The following PRKG1 variants were observed in gnomAD, a reference collection of about 807,000 sequenced individuals.
PRKG1 encodes protein kinase cGMP-dependent 1.
Under a neutral mutation model 88.1 loss-of-function variants are expected in PRKG1, and 35 were observed. The ratio of observed to expected loss-of-function variants is 0.40; its 90% CI spans 0.30 to 0.53. PRKG1 has a LOEUF of 0.53. Ranked by LOEUF, PRKG1 falls within the 20% of genes least tolerant of loss-of-function variation. The pLI is 0.59. For missense variants in PRKG1, 540 were observed against 839.8 expected (o/e 0.64, Z 4.41); for synonymous variants, 303 against 292.5 (o/e 1.04, Z -0.37).
chr10:51,525,575 G>A (rs747852441), intron 3 of PRKG1, among the ~76,000 whole-genome samples: 67 of 152,112 alleles, frequency 4.4e-4, no homozygotes, highest in Non-Finnish European at 7.6e-4. Flanking sequence ...GCGGGGGCCT[G>A]TAGTCCCGGC....
chr10:52,215,711 A>G (rs1840093594), intron 9 of PRKG1, among the ~76,000 whole-genome samples: 1 of 152,212 alleles, frequency 6.6e-6, no homozygotes, highest in African/African-American at 2.4e-5. Flanking sequence ...GAATGAAAAT[A>G]TATTAATATA....
At chr10:51,936,507 C>A (rs1842803361) in intron 5 of PRKG1, among the ~76,000 whole-genome samples, 2 of 152,016 alleles carry the variant, frequency 1.3e-5, no homozygotes, top group African/African-American at 4.8e-5. Context: ...TGGATTTGTA[C>A]CTAGAGGTAG....
chr10:52,064,518 A>C (rs888654881), intron 7 of PRKG1, among the ~76,000 whole-genome samples: 2 of 152,112 alleles, frequency 1.3e-5, no homozygotes, highest in African/African-American at 2.4e-5. Context: ...CCCCAACAGC[A>C]CAGGGGAGGC....
At chr10:51,765,083 AGTGCTAGTGT>A (rs1185263607) in intron 3 of PRKG1, among the ~76,000 whole-genome samples, 2 of 152,218 alleles carry the variant, frequency 1.3e-5, no homozygotes, top group Admixed American at 6.5e-5. Flanking sequence ...GGACTAAGAC[AGTGCTAGTGT>A]GTATTAGGAA....
At chr10:52,119,366 G>A (rs1297244136) in intron 7 of PRKG1, among the ~76,000 whole-genome samples, 1 of 152,156 alleles carries the variant, frequency 6.6e-6, no homozygotes, top group Non-Finnish European at 1.5e-5. Context: ...CATATACCAA[G>A]TTGGCAATAG....
intron 4 of PRKG1, among the ~76,000 whole-genome samples, chr10:51,889,060 C>CTT (rs35369136): frequency 0.31 from 45,656 of 145,544 alleles, 7,349 homozygotes; most frequent in Admixed American, 0.39. Context: ...AACACACATT[C>CTT]TTTTTTTTTT....
In PRKG1 at chr10:52,272,389, C is replaced by T; in HGVS notation, c.1314-3C>T. On this transcript the variant is annotated splice_polypyrimidine_tract_variant and splice_region_variant and intron_variant, in intron 11 of 17. Transcript: ENST00000373980. The stretch of plus-strand genomic sequence containing the variant: ...TCTTTGTTTTCTTGTTTGCAATTTA[C>T]AGACTGTACAGAACATTTAAGGACA... 1.3e-6 allele frequency: 2 copies of T among 1,583,670 alleles called. No individual in the cohort carries two copies. The highest frequency in any genetic ancestry group is 1.7e-6 in the Non-Finnish European group (2 of 1,161,078).
intron 2 of PRKG1, among the ~76,000 whole-genome samples, chr10:51,205,492 A>G (rs1461757197): frequency 6.6e-6 from 1 of 151,106 alleles, no homozygotes; most frequent in Non-Finnish European, 1.5e-5. Context: ...GCCTCCTGAC[A>G]TTTCGTATGA....
intron 4 of PRKG1, among the ~76,000 whole-genome samples, chr10:51,894,581 T>G (rs1277152351): frequency 2.0e-5 from 3 of 152,162 alleles, no homozygotes; most frequent in African/African-American, 7.2e-5. Flanking sequence ...ATTAACAAAA[T>G]AGAGTGATTT....
At chr10:51,351,586 C>T (rs1221728334) in intron 2 of PRKG1, among the ~76,000 whole-genome samples, 1 of 151,942 alleles carries the variant, frequency 6.6e-6, no homozygotes, top group Non-Finnish European at 1.5e-5. Flanking sequence ...ATCCTTTGCT[C>T]ACTTTTCAAT....
At chr10:51,731,156 C>G (rs1245325002) in intron 3 of PRKG1, among the ~76,000 whole-genome samples, 2 of 151,724 alleles carry the variant, frequency 1.3e-5, no homozygotes, top group Non-Finnish European at 2.9e-5. Flanking sequence ...AGAAAAACAA[C>G]AAACAAACAA....
At chr10:51,438,240 A>T (rs1282377165) in intron 2 of PRKG1, among the ~76,000 whole-genome samples, 1 of 151,880 alleles carries the variant, frequency 6.6e-6, no homozygotes, top group African/African-American at 2.4e-5. Flanking sequence ...CCATATACCC[A>T]CAATCAGTTT....
intron 5 of PRKG1, among the ~76,000 whole-genome samples, chr10:52,048,079 GC>G (rs980530698): frequency 8.6e-5 from 13 of 151,932 alleles, no homozygotes. Context: ...ATAATTAGTA[GC>G]AATTACCATA....
At chr10:51,686,869 G>A (rs965719891) in intron 3 of PRKG1, among the ~76,000 whole-genome samples, 39 of 152,278 alleles carry the variant, frequency 2.6e-4, no homozygotes, top group Middle Eastern at 3.4e-3. Flanking sequence ...CCAAGTAGCT[G>A]TGATTACAGG....
intron 1 of PRKG1, among the ~76,000 whole-genome samples, chr10:51,106,381 A>C (rs150868586): frequency 6.6e-6 from 1 of 152,318 alleles, no homozygotes; most frequent in Non-Finnish European, 1.5e-5. Flanking sequence ...ACGATGGTTC[A>C]GCTAGAGAAA....
rs549551608 is a variant in PRKG1, at chr10:51,280,388, C to G, written c.478+127058C>G. 8.1e-3 allele frequency among the ~76,000 whole-genome samples: 1,234 copies of G among 152,256 alleles called. 9 individuals are homozygous for G. The highest frequency in any genetic ancestry group is 0.027 in the Middle Eastern group (8 of 294). ...TTGAGGAGTATCTTTGTGGCATTCT[C>G]TGTATTTCCTGAATTTGAATGTTGG... is the stretch of plus-strand genomic sequence containing the variant. On this transcript the variant is annotated intron_variant, in intron 2 of 17. Coordinates refer to ENST00000373980, the MANE Select transcript of PRKG1 (RefSeq NM_006258.4).
At chr10:51,210,693 G>A (rs1838191557) in intron 2 of PRKG1, among the ~76,000 whole-genome samples, 2 of 152,068 alleles carry the variant, frequency 1.3e-5, no homozygotes, top group South Asian at 2.1e-4. Context: ...ACACCTCTAC[G>A]CAAATAAACT....
chr10:51,017,229 T>G (rs1843079023), intron 1 of PRKG1, among the ~76,000 whole-genome samples: 1 of 152,160 alleles, frequency 6.6e-6, no homozygotes, highest in African/African-American at 2.4e-5. Context: ...TATTTATCCA[T>G]CATCCAAAGT....
chr10:52,038,582 C>T (rs1845676248), intron 5 of PRKG1, among the ~76,000 whole-genome samples: 1 of 151,872 alleles, frequency 6.6e-6, no homozygotes, highest in African/African-American at 2.4e-5. Context: ...GGGTACTTGC[C>T]CCTCCCCCAG....
Sources: allele counts gnomAD v4.1 joint callset (sites outside exome capture counted in the v4.1 genomes callset), GRCh38; gene constraint gnomAD v4.1.1; transcripts MANE v1.5; gene names NCBI Gene and HGNC (gene_info 2026-07-23, HGNC 2026-07-21).